The following P2RY12 variants were observed in gnomAD, a reference collection of about 807,000 sequenced individuals.
P2RY12 encodes the protein purinergic receptor P2Y12.
A neutral mutation model predicts 4.5 loss-of-function variants in P2RY12; 3 were observed. The ratio of observed to expected loss-of-function variants is 0.67; its 90% CI spans 0.31 to 1.74. The LOEUF is 1.74. Among genes scored for constraint, P2RY12 ranks in the 40% most tolerant of loss-of-function variants. The probability of loss-of-function intolerance (pLI) is 0.09; values close to 1 mark genes in which losing one functional copy is unlikely to be tolerated. For synonymous variants in P2RY12, 148 were observed against 154.1 expected (o/e 0.96, Z 0.29); for missense variants, 356 against 407.8 (o/e 0.87, Z 1.09).
intron 1 of P2RY12, chr3:151,380,018 A>T: frequency 1.3e-6 from 1 of 744,574 alleles, no homozygotes; most frequent in Non-Finnish European, 2.2e-6. Flanking sequence ...CACCTCTCTT[A>T]TTTATCTAAT....
intron 1 of P2RY12, chr3:151,367,629 C>A: frequency 2.5e-6 from 4 of 1,594,740 alleles, no homozygotes; most frequent in South Asian, 2.2e-5. Flanking sequence ...TAAAACCTGT[C>A]AATGTTTTTC....
At chr3:151,346,221 C>T (rs1752519317) in intron 1 of P2RY12, among the ~76,000 whole-genome samples, 1 of 152,076 alleles carries the variant, frequency 6.6e-6, no homozygotes, top group African/African-American at 2.4e-5. Flanking sequence ...TCCTTTCTTT[C>T]TTTCCATATT....
At chr3:151,375,162 A>T (rs1756675587) in intron 1 of P2RY12, among the ~76,000 whole-genome samples, 1 of 152,196 alleles carries the variant, frequency 6.6e-6, no homozygotes, top group South Asian at 2.1e-4. Flanking sequence ...AATTACTGAT[A>T]TTTGGGTGCC....
In P2RY12 at chr3:151,336,845, T is replaced by C. The variant is rs1751059030; in HGVS notation, c.*972A>G. 1 of 198,874 alleles carries C rather than the reference T, an allele frequency of 5.0e-6. No homozygotes were observed. The highest frequency in any genetic ancestry group is 8.0e-5 in the South Asian group (1 of 12,456). The allele number at this position is 198,874 out of a possible 1,614,324, so 12.3% of individuals were successfully genotyped here. A position where few individuals can be genotyped will look rare whatever the true frequency, so the allele number is the denominator to read the frequency against. ...TGAACAAAGAATTTACAACAAAGAA[T>C]GATTTAGAGTTTAATGTAAATTTTG... On this transcript the variant is annotated 3_prime_UTR_variant, in exon 3 of 3. Coordinates refer to ENST00000302632, the MANE Select transcript of P2RY12 (RefSeq NM_022788.5).
chr3:151,353,510 G>A (rs1753508039), intron 1 of P2RY12, among the ~76,000 whole-genome samples: 1 of 152,194 alleles, frequency 6.6e-6, no homozygotes, highest in African/African-American at 2.4e-5. Context: ...TGTTACCCCA[G>A]CACCTTTAAA....
At chr3:151,369,337 C>A in intron 1 of P2RY12, 1 of 702,742 alleles carries the variant, frequency 1.4e-6, no homozygotes, top group Non-Finnish European at 2.3e-6. Flanking sequence ...GGCAATTAAG[C>A]ACCCACAGTC....
intron 1 of P2RY12, chr3:151,384,166 G>A: frequency 6.2e-7 from 1 of 1,613,952 alleles, no homozygotes; most frequent in Non-Finnish European, 8.5e-7. Flanking sequence ...GCATCCCCTG[G>A]GGGATCTGAA....
rs998365356 is a variant in P2RY12, at chr3:151,362,600, A to C, written c.-179-21840T>G. On this transcript the variant is annotated intron_variant, in intron 1 of 2. Coordinates refer to ENST00000302632, the MANE Select transcript of P2RY12 (RefSeq NM_022788.5). ...TACCCCCACTGTAGATTCTATATTT[A>C]TTTATGGCCTGGCTCCTCCTTAGAA... Among the ~76,000 whole-genome samples the C allele has an allele frequency of 1.3e-4, 20 of 152,102 alleles. No homozygotes were observed. In the South Asian group the frequency reaches 2.5e-3, roughly 19 times the overall value.
At chr3:151,375,698 A>G (rs1389977310) in intron 1 of P2RY12, among the ~76,000 whole-genome samples, 1 of 152,208 alleles carries the variant, frequency 6.6e-6, no homozygotes, top group Non-Finnish European at 1.5e-5. Flanking sequence ...GAATCATTAT[A>G]TAGCAAGTTA....
rs1212533335 is a variant in P2RY12 at position 151,337,085 on chromosome 3, C to T, written c.*732G>A. 2.6e-5 allele frequency: 4 copies of T among 151,836 alleles called. No homozygotes were observed. The highest frequency in any genetic ancestry group is 9.7e-5 in the African/African-American group (4 of 41,254). 9.4% of individuals were successfully genotyped at this position (151,836 alleles called of 1,614,324 possible). On this transcript the variant is annotated 3_prime_UTR_variant, in exon 3 of 3. Transcript: ENST00000302632. ...TTGAAGTTGTAAAAAATTAGTAAAA[C>T]TAGTTTCTCTAGAATTAAGGAAATA...
chr3:151,343,072 C>T (rs1454711244), intron 1 of P2RY12, among the ~76,000 whole-genome samples: 2 of 152,106 alleles, frequency 1.3e-5, no homozygotes, highest in Non-Finnish European at 2.9e-5. Flanking sequence ...CACACCCTCT[C>T]CTCAACCCCT....
chr3:151,365,625 A>G (rs1475972532), intron 1 of P2RY12, among the ~76,000 whole-genome samples: 1 of 152,130 alleles, frequency 6.6e-6, no homozygotes, highest in Non-Finnish European at 1.5e-5. Flanking sequence ...TCGTGTATGT[A>G]CTGATTATTG....
At chr3:151,366,939 T>G (rs894612021) in intron 1 of P2RY12, among the ~76,000 whole-genome samples, 29 of 152,306 alleles carry the variant, frequency 1.9e-4, no homozygotes, top group Admixed American at 9.8e-4. Context: ...GTGAACCTTA[T>G]GGTGGTGTGC....
intron 1 of P2RY12, among the ~76,000 whole-genome samples, chr3:151,350,747 T>TA (rs1000929386): frequency 1.3e-5 from 2 of 151,604 alleles, no homozygotes; most frequent in Admixed American, 1.3e-4. Flanking sequence ...TGATTTCAAA[T>TA]AAAAGAATTT....
At chr3:151,342,450 T>C (rs1751981960) in intron 1 of P2RY12, among the ~76,000 whole-genome samples, 1 of 152,226 alleles carries the variant, frequency 6.6e-6, no homozygotes, top group Non-Finnish European at 1.5e-5. Context: ...GAGCAGCAGC[T>C]CTGCATCACT....
At chr3:151,364,088 T>C (rs1269762688) in intron 1 of P2RY12, among the ~76,000 whole-genome samples, 1 of 152,178 alleles carries the variant, frequency 6.6e-6, no homozygotes, top group Non-Finnish European at 1.5e-5. Flanking sequence ...TTCTGATGCA[T>C]AAAAGAGCTT....
intron 1 of P2RY12, among the ~76,000 whole-genome samples, chr3:151,358,750 T>C (rs1297009827): frequency 2.0e-5 from 3 of 152,170 alleles, no homozygotes; most frequent in Non-Finnish European, 4.4e-5. Flanking sequence ...TTTCACTTCT[T>C]CGTACTTATG....
At chr3:151,354,640 G>A (rs1753693231) in intron 1 of P2RY12, among the ~76,000 whole-genome samples, 1 of 152,128 alleles carries the variant, frequency 6.6e-6, no homozygotes, top group South Asian at 2.1e-4. Flanking sequence ...CACTTTTTAT[G>A]ATAGCTAAAA....
chr3:151,339,431 T>A (rs372413832), intron 2 of P2RY12, among the ~76,000 whole-genome samples: 5 of 145,886 alleles, frequency 3.4e-5, no homozygotes, highest in Non-Finnish European at 6.0e-5. Context: ...ACTGAATCAG[T>A]AAAAAAAAAA....
Sources: gnomAD v4.1 joint callset for allele counts (sites outside exome capture counted in the v4.1 genomes callset) on GRCh38, gnomAD v4.1.1 for gene constraint, MANE v1.5 for transcripts, NCBI Gene and HGNC (gene_info 2026-07-23, HGNC 2026-07-21) for gene names.